Variants in SOHLH2 observed in about 807,000 individuals in gnomAD.
SOHLH2 encodes spermatogenesis and oogenesis specific basic helix-loop-helix 2, also known as spermatogenesis- and oogenesis-specific basic helix-loop-helix-containing protein 2.
In SOHLH2, 22 loss-of-function variants were observed where a neutral mutation model predicts 50.4. The observed-to-expected ratio is 0.44, with a 90% CI of 0.31 to 0.62. SOHLH2 has a LOEUF of 0.62. SOHLH2 is among the 20% of genes least tolerant of loss of function. The pLI, the probability that SOHLH2 is intolerant of heterozygous loss-of-function variation, is 0.08. For missense variants in SOHLH2, 412 were observed against 504.4 expected, an observed-to-expected ratio of 0.82 and a Z score of 1.76; for synonymous variants, 185 against 187.3, an observed-to-expected ratio of 0.99 and a Z score of 0.10.
intron 1 of SOHLH2, among the ~76,000 whole-genome samples, chr13:36,204,299 T>G (rs1868617954): frequency 6.6e-6 from 1 of 152,222 alleles, no homozygotes; most frequent in Non-Finnish European, 1.5e-5. Flanking sequence ...TATTTAATAT[T>G]TAGTAACAAA....
At chr13:36,210,570 A>ATAAACATC (rs1869057692) in intron 1 of SOHLH2, among the ~76,000 whole-genome samples, 1 of 151,916 alleles carries the variant, frequency 6.6e-6, no homozygotes, top group Non-Finnish European at 1.5e-5. Flanking sequence ...TTATTTTTCC[A>ATAAACATC]TGATATTTAC....
Position 36,214,481 on chromosome 13 carries a change from G to A in SOHLH2, c.46C>T (p.Gln16Ter). Reference sequence around the variant, plus strand: ...CCTCCCCTTCCACAGCCTCTTACCTGGCCCGAGATCTGGCAGTGCTCCTGG... The same window carrying A: ...CCTCCCCTTCCACAGCCTCTTACCTAGCCCGAGATCTGGCAGTGCTCCTGG... Reference protein sequence around the residue: ...ICQEHCQISGQAKIDILLVGD... With the variant: ...ICQEHCQISG The change falls in exon 1 of 11, where the codon CAG becomes TAG. Residue 16 changes from glutamine (Q) to a stop codon, truncating the protein, a stop_gained and splice_region_variant. Coordinates refer to ENST00000379881, the MANE Select transcript of SOHLH2 (RefSeq NM_017826.3). LOFTEE classifies it high-confidence loss of function. 6.2e-7 allele frequency: 1 copy of A among 1,612,954 alleles called. No homozygotes were observed. Among genetic ancestry groups the A allele is most frequent in the South Asian group, 1.1e-5 (1 of 90,712 alleles).
chr13:36,214,276 G>A (rs1869298058), intron 1 of SOHLH2, among the ~76,000 whole-genome samples: 1 of 152,088 alleles, frequency 6.6e-6, no homozygotes, highest in Non-Finnish European at 1.5e-5. Context: ...ACCCTCAGAA[G>A]CCGGGTCGGC....
intron 6 of SOHLH2, among the ~76,000 whole-genome samples, chr13:36,188,470 A>G (rs1436533643): frequency 1.3e-5 from 2 of 152,062 alleles, no homozygotes; most frequent in South Asian, 2.1e-4. Context: ...CCTTCATTTC[A>G]TCTGTGTTCC....
At chr13:36,179,337 T>C (rs1651428728) in intron 6 of SOHLH2, among the ~76,000 whole-genome samples, 1 of 152,214 alleles carries the variant, frequency 6.6e-6, no homozygotes, top group Non-Finnish European at 1.5e-5. Flanking sequence ...TATTGAGCAT[T>C]GTCAAATATT....
intron 2 of SOHLH2, among the ~76,000 whole-genome samples, chr13:36,198,801 T>C (rs867981249): frequency 9.9e-5 from 15 of 152,236 alleles, no homozygotes; most frequent in Admixed American, 8.5e-4. Context: ...AATCTATATG[T>C]CTTACAGATG....
At chr13:36,177,395 CTT>C (rs1482154999) in intron 6 of SOHLH2, among the ~76,000 whole-genome samples, 1 of 152,020 alleles carries the variant, frequency 6.6e-6, no homozygotes, top group Non-Finnish European at 1.5e-5. Flanking sequence ...TTCTAGATGT[CTT>C]TTTATGAATG....
intron 1 of SOHLH2, among the ~76,000 whole-genome samples, chr13:36,208,224 C>T (rs1425070095): frequency 6.6e-6 from 1 of 152,158 alleles, no homozygotes; most frequent in Non-Finnish European, 1.5e-5. Flanking sequence ...TTGCCTGTAG[C>T]AATTATTACT....
At position 36,170,551 on chromosome 13, in the gene SOHLH2, T is replaced by C. The variant is rs1334266306; in HGVS notation, c.1237A>G (p.Thr413Ala). ...CTTACCAGACAGTTGGGATGTGTAGTGCACGTCTGGCCCAACCCAGAAGTG... is the reference window on the plus strand; with the variant it reads ...CTTACCAGACAGTTGGGATGTGTAGCGCACGTCTGGCCCAACCCAGAAGTG... Reference protein sequence around the residue: ...HCTSGLGQTCTTHPNCLQQFW... With the variant: ...HCTSGLGQTCATHPNCLQQFW... The change falls in exon 10 of 11, where the codon ACT becomes GCT. Residue 413 changes from threonine (T) to alanine (A), a missense_variant. Transcript: ENST00000379881. 1.2e-6 allele frequency: 2 copies of C among 1,613,912 alleles called. No individual in the cohort carries two copies. The highest frequency in any genetic ancestry group is 2.2e-5 in the East Asian group (1 of 44,888).
rs1886888870 is a variant in SOHLH2, at chr13:36,168,876, G to T, written c.*158C>A. The T allele has an allele frequency of 4.8e-6, 6 of 1,262,120 alleles. No individual in the cohort carries two copies. Among genetic ancestry groups the T allele is most frequent in the Non-Finnish European group, 6.3e-6 (6 of 954,738 alleles). 78.2% of individuals were successfully genotyped at this position (1,262,120 alleles called of 1,614,324 possible). ...TTCGCTGCTGGTCTTTCTATCTGCA[G>T]AAGCTTTGAGTGCATTTATCAGAAG... On this transcript the variant is annotated 3_prime_UTR_variant, in exon 11 of 11. Coordinates refer to ENST00000379881, the MANE Select transcript of SOHLH2 (RefSeq NM_017826.3).
intron 5 of SOHLH2, 31 bp from the exon 6 acceptor site, chr13:36,190,087 T>G (rs932185549): frequency 1.3e-6 from 2 of 1,565,106 alleles, no homozygotes. Context: ...CACCATACAT[T>G]AAAGGGGAAA....
rs572238180 is a variant in SOHLH2, at chr13:36,173,732, G to A, written c.960C>T (p.Ser320=). Residue 320 remains serine, a synonymous_variant, in exon 9 of 11, where the codon TCC becomes TCT. Coordinates refer to ENST00000379881, the MANE Select transcript of SOHLH2 (RefSeq NM_017826.3). ...CCAAGGAGCTCTCTGCATCAGGAGTGGAGCACCCATTCCAGCACGTATTAG... is the reference window on the plus strand; with the variant it reads ...CCAAGGAGCTCTCTGCATCAGGAGTAGAGCACCCATTCCAGCACGTATTAG... The part of the protein sequence containing the change: ...FLTNTCWNGC[S]TPDAESSLDE... The A allele has an allele frequency of 6.8e-6, 11 of 1,613,678 alleles. No homozygotes were observed. In the Admixed American group the frequency reaches 1.5e-4, roughly 22 times the overall value.
chr13:36,197,244 G>A (rs1887760410), intron 2 of SOHLH2, among the ~76,000 whole-genome samples: 1 of 152,036 alleles, frequency 6.6e-6, no homozygotes, highest in Non-Finnish European at 1.5e-5. Flanking sequence ...TGTTTCCTGA[G>A]GCTACACCTC....
intron 6 of SOHLH2, among the ~76,000 whole-genome samples, chr13:36,179,223 A>T (rs963853890): frequency 2.6e-5 from 4 of 152,230 alleles, no homozygotes; most frequent in Non-Finnish European, 5.9e-5. Flanking sequence ...ATCACTAAGT[A>T]CAATGTTAGT....
intron 6 of SOHLH2, 112 bp downstream of exon 6, chr13:36,189,834 C>A: frequency 9.4e-7 from 1 of 1,068,724 alleles, no homozygotes; most frequent in Non-Finnish European, 1.3e-6. Flanking sequence ...TATTTGTTTG[C>A]TAAGTTTACT....
At chr13:36,200,425 G>C (rs141355871) in intron 2 of SOHLH2, among the ~76,000 whole-genome samples, 2 of 152,134 alleles carry the variant, frequency 1.3e-5, no homozygotes, top group Non-Finnish European at 2.9e-5. Context: ...GTATCTGTCT[G>C]TCTGTCTCTC....
At chr13:36,187,670 T>C (rs899871070) in intron 6 of SOHLH2, among the ~76,000 whole-genome samples, 1 of 152,098 alleles carries the variant, frequency 6.6e-6, no homozygotes, top group Admixed American at 6.5e-5. Context: ...CTCAACTTCC[T>C]CCCTGATCGG....
chr13:36,174,485 A>G lies in SOHLH2; in HGVS notation c.872T>C (p.Met291Thr). The change falls in exon 8 of 11, where the codon ATG becomes ACG. Residue 291 changes from methionine to threonine, a missense_variant. Coordinates refer to ENST00000379881, the MANE Select transcript of SOHLH2 (RefSeq NM_017826.3). ...AAAGCCCTTATCATACCGCTGTGCCATGACAGTGCCTGGGAGAGACAGCTC... is the reference window on the plus strand; with the variant it reads ...AAAGCCCTTATCATACCGCTGTGCCGTGACAGTGCCTGGGAGAGACAGCTC... ...PIELSLPGTV[M>T]AQRENSVMST... The G allele has an allele frequency of 1.2e-6, 2 of 1,614,186 alleles. No homozygotes were observed. Among genetic ancestry groups the G allele is most frequent in the Non-Finnish European group, 1.7e-6 (2 of 1,180,028 alleles).
rs1246084033 is a variant in SOHLH2, at chr13:36,173,757, G to C, written c.935C>G (p.Thr312Ser). 2 of 1,614,028 alleles carry C rather than the reference G, an allele frequency of 1.2e-6. No homozygotes were observed. The highest frequency in any genetic ancestry group is 1.7e-6 in the Non-Finnish European group (2 of 1,180,022). The change falls in exon 9 of 11, where the codon ACT becomes AGT. Residue 312 changes from threonine (T) to serine (S), a missense_variant. Transcript: ENST00000379881. ...GGAGCACCCATTCCAGCACGTATTAGTCAGGAATTGGAGCCCTCTCTCAGG... is the reference window on the plus strand; with the variant it reads ...GGAGCACCCATTCCAGCACGTATTACTCAGGAATTGGAGCCCTCTCTCAGG... ...YSPERGLQFL[T>S]NTCWNGCSTP... is the part of the protein sequence containing the mutation.
Sources: gnomAD v4.1 joint callset for allele counts (sites outside exome capture counted in the v4.1 genomes callset) on GRCh38, gnomAD v4.1.1 for gene constraint, MANE v1.5 for transcripts, NCBI Gene and HGNC (gene_info 2026-07-23, HGNC 2026-07-21) for gene names.